Variants in ZFHX3 observed in about 807,000 individuals in gnomAD.
ZFHX3 encodes the protein zinc finger homeobox protein 3.
ZFHX3 carries 42 observed loss-of-function variants against 279.1 expected under a neutral mutation model. The observed-to-expected ratio is 0.15, with a 90% CI of 0.12 to 0.19. The LOEUF is 0.19. ZFHX3 is among the 10% of genes least tolerant of loss of function. The pLI is 1.00. For missense variants in ZFHX3, 4,981 were observed against 4,754.0 expected, an observed-to-expected ratio of 1.05 and a Z score of -1.40; for synonymous variants, 2,293 against 1,957.8, an observed-to-expected ratio of 1.17 and a Z score of -4.52.
intron 2 of ZFHX3, among the ~76,000 whole-genome samples, chr16:73,670,251 A>C (rs74030166): frequency 0.02 from 3,086 of 152,296 alleles, 99 homozygotes; most frequent in African/African-American, 0.07. Context: ...GTTTTTACAG[A>C]ATTTAGAAAG....
chr16:73,539,031 G>A (rs1329780279), intron 2 of ZFHX3, among the ~76,000 whole-genome samples: 1 of 152,100 alleles, frequency 6.6e-6, no homozygotes, highest in Non-Finnish European at 1.5e-5. Flanking sequence ...ATCCAGAGAG[G>A]GAAGATTGTA....
At chr16:73,651,854 CA>C (rs34470973) in intron 2 of ZFHX3, among the ~76,000 whole-genome samples, 100,897 of 110,444 alleles carry the variant, frequency 0.91, 45,775 homozygotes, top group East Asian at 0.96. Context: ...GACTCTGTCT[CA>C]AAAAAAAAAA....
At chr16:73,740,031 G>C (rs1407501139) in intron 1 of ZFHX3, among the ~76,000 whole-genome samples, 1 of 152,124 alleles carries the variant, frequency 6.6e-6, no homozygotes. Flanking sequence ...ATTTCATTCA[G>C]GAAGGGCACA....
intron 4 of ZFHX3, among the ~76,000 whole-genome samples, chr16:73,317,496 C>T (rs1297916609): frequency 2.0e-5 from 3 of 152,116 alleles, no homozygotes; most frequent in African/African-American, 2.4e-5. Context: ...CTGGGTAAAT[C>T]GTATTTAATC....
intron 2 of ZFHX3, among the ~76,000 whole-genome samples, chr16:73,535,800 G>C (rs1374167366): frequency 1.4e-5 from 2 of 147,734 alleles, no homozygotes; most frequent in Non-Finnish European, 3.0e-5. Flanking sequence ...TCGGCTCACT[G>C]CAACCTCCAC....
chr16:72,962,305 CTTA>C (rs1961618378), intron 1 of ZFHX3, among the ~76,000 whole-genome samples: 1 of 152,224 alleles, frequency 6.6e-6, no homozygotes, highest in Non-Finnish European at 1.5e-5. Context: ...CCGTTCTCCT[CTTA>C]TTCCTCCTCC....
intron 2 of ZFHX3, among the ~76,000 whole-genome samples, chr16:73,588,629 G>A (rs2051952854): frequency 1.3e-5 from 2 of 151,154 alleles, no homozygotes; most frequent in Non-Finnish European, 2.9e-5. Flanking sequence ...GGCCGAGCTT[G>A]CAGTGAGCTG....
chr16:72,859,574 A>G (rs897067234), intron 4 of ZFHX3, among the ~76,000 whole-genome samples: 3 of 152,246 alleles, frequency 2.0e-5, no homozygotes, highest in Non-Finnish European at 4.4e-5. Flanking sequence ...AGAGGGAAAT[A>G]AAGACGTTTA....
rs570223860 is a variant in ZFHX3 at position 72,958,523 on chromosome 16, C to G, written c.1623G>C (p.Gln541His). ...SNSPLMPNVL[Q>H]TLSRGTASTS... ...TAGAAGCTGTGCCCCTCGACAGGGT[C>G]TGGAGCACGTTAGGCATTAAGGGGG... is the stretch of plus-strand genomic sequence containing the variant. The change falls in exon 2 of 10, where the codon CAG (glutamine) becomes CAC (histidine). Residue 541 changes from glutamine to histidine, a missense_variant. Gln to His is a conservative substitution (Grantham distance 24, BLOSUM62 0). This residue lies in a region of ZFHX3 where 1,068 missense variants were observed against 935.2 expected (regional missense o/e 1.14). Coordinates refer to ENST00000268489, the MANE Select transcript of ZFHX3 (RefSeq NM_006885.4). 2 of 1,614,082 alleles carry G rather than the reference C, an allele frequency of 1.2e-6. No individual in the cohort carries two copies. The highest frequency in any genetic ancestry group is 1.7e-6 in the Non-Finnish European group (2 of 1,180,044).
chr16:72,811,452 CT>C, intron 7 of ZFHX3, 124 bp downstream of exon 7: 1 of 1,054,546 alleles, frequency 9.5e-7, no homozygotes, highest in Non-Finnish European at 1.3e-6. Flanking sequence ...AGAACAAGGA[CT>C]GTTTTCTGAC....
chr16:73,505,511 T>G (rs1001826561), intron 2 of ZFHX3, among the ~76,000 whole-genome samples: 5 of 151,686 alleles, frequency 3.3e-5, no homozygotes, highest in African/African-American at 1.2e-4. Flanking sequence ...GTTAACTACT[T>G]AGACAGTCAC....
At chr16:73,260,311 T>G (rs1232039320) in intron 4 of ZFHX3, among the ~76,000 whole-genome samples, 2 of 152,236 alleles carry the variant, frequency 1.3e-5, no homozygotes, top group Non-Finnish European at 1.5e-5. Flanking sequence ...GCTAGGTTTC[T>G]ATTGTCCTTT....
intron 1 of ZFHX3, among the ~76,000 whole-genome samples, chr16:73,785,062 C>T (rs1289820369): frequency 2.6e-5 from 4 of 151,952 alleles, no homozygotes; most frequent in Non-Finnish European, 2.9e-5. Flanking sequence ...CTATGGAAAA[C>T]GAGGATTCAA....
At chr16:72,868,618 A>G (rs1300815932) in intron 4 of ZFHX3, among the ~76,000 whole-genome samples, 1 of 152,150 alleles carries the variant, frequency 6.6e-6, no homozygotes, top group Non-Finnish European at 1.5e-5. Context: ...TTCGCGCTCT[A>G]TCTTTGGCTA....
chr16:73,722,705 C>T (rs184354062), intron 1 of ZFHX3, among the ~76,000 whole-genome samples: 15 of 152,200 alleles, frequency 9.9e-5, no homozygotes, highest in Admixed American at 4.6e-4. Flanking sequence ...AATGAAACTG[C>T]CTCCAATGAT....
intron 1 of ZFHX3, among the ~76,000 whole-genome samples, chr16:72,980,545 G>A (rs1271810531): frequency 6.6e-6 from 1 of 151,336 alleles, no homozygotes; most frequent in East Asian, 1.9e-4. Context: ...GATTGCTTGA[G>A]CCCAGGAGTC....
chr16:73,382,261 A>T (rs906259788), intron 3 of ZFHX3, among the ~76,000 whole-genome samples: 1 of 152,224 alleles, frequency 6.6e-6, no homozygotes, highest in African/African-American at 2.4e-5. Flanking sequence ...ATAAAAGAAA[A>T]GCTGGACCTA....
intron 2 of ZFHX3, among the ~76,000 whole-genome samples, chr16:73,465,541 A>AG (rs11413231): frequency 0.092 from 14,004 of 152,042 alleles, 2,091 homozygotes; most frequent in African/African-American, 0.32. Flanking sequence ...CATCACCTAC[A>AG]GCATCGTCCA....
chr16:72,868,317 A>G (rs567662356), intron 4 of ZFHX3, among the ~76,000 whole-genome samples: 1 of 152,270 alleles, frequency 6.6e-6, no homozygotes, highest in African/African-American at 2.4e-5. Context: ...TTGGAGAATC[A>G]GCGCCTATCC....
Sources: gnomAD v4.1 joint callset for allele counts (sites outside exome capture counted in the v4.1 genomes callset) on GRCh38, gnomAD v4.1.1 for gene constraint, gnomAD v4.1.1 regional missense constraint, MANE v1.5 for transcripts, NCBI Gene and HGNC (gene_info 2026-07-23, HGNC 2026-07-21) for gene names.